The following PALLD variants were observed in gnomAD, a reference collection of about 807,000 sequenced individuals.
PALLD encodes the protein palladin, cytoskeletal associated protein.
Under a neutral mutation model 123.5 loss-of-function variants are expected in PALLD, and 61 were observed. The ratio of observed to expected loss-of-function variants is 0.49; its 90% confidence interval spans 0.40 to 0.61. PALLD has a LOEUF of 0.61. Ranked by LOEUF, PALLD falls within the 20% of genes least tolerant of loss-of-function variation. The pLI, the probability that PALLD is intolerant of heterozygous loss-of-function variation, is 0.00. For missense variants in PALLD, 1,273 were observed against 1,377.0 expected (o/e 0.92, Z 1.20); for synonymous variants, 465 against 496.4 (o/e 0.94, Z 0.84).
chr4:168,845,867 T>TA (rs1581736949), intron 10 of PALLD, among the ~76,000 whole-genome samples: 1 of 152,240 alleles, frequency 6.6e-6, no homozygotes, highest in African/African-American at 2.4e-5. Context: ...TCGTTTGTCT[T>TA]AAGCAGCACT....
intron 10 of PALLD, among the ~76,000 whole-genome samples, chr4:168,825,101 C>A (rs530320831): frequency 6.6e-6 from 1 of 152,306 alleles, no homozygotes; most frequent in East Asian, 1.9e-4. Flanking sequence ...TAGGCGTGAG[C>A]CACTGTGCCT....
At chr4:168,916,167 CT>C in intron 17 of PALLD, 140 bp downstream of exon 17, 2 of 850,654 alleles carry the variant, frequency 2.4e-6, no homozygotes, top group Non-Finnish European at 3.9e-6. Context: ...AATCCCAGCA[CT>C]TTAGAGTCCA....
chr4:168,740,848 C>T (rs1461502154), intron 10 of PALLD, among the ~76,000 whole-genome samples: 2 of 152,124 alleles, frequency 1.3e-5, no homozygotes, highest in East Asian at 1.9e-4. Context: ...GTGCAGGGTA[C>T]GATAGCAACT....
At chr4:168,600,571 C>G (rs1416988037) in intron 2 of PALLD, among the ~76,000 whole-genome samples, 1 of 151,974 alleles carries the variant, frequency 6.6e-6, no homozygotes, top group Non-Finnish European at 1.5e-5. Flanking sequence ...GTTTTTTATT[C>G]CTCTATTTTA....
intron 2 of PALLD, among the ~76,000 whole-genome samples, chr4:168,638,830 G>A (rs564497571): frequency 1.6e-3 from 241 of 152,088 alleles, no homozygotes; most frequent in African/African-American, 5.4e-3. Flanking sequence ...TGGGAGGGGG[G>A]GCGGGCCATA....
intron 13 of PALLD, chr4:168,897,848 G>A (rs1387573149): frequency 6.6e-6 from 1 of 151,398 alleles, no homozygotes; most frequent in East Asian, 1.9e-4. Context: ...CAAAATTTTG[G>A]CTAGACTGTC....
At position 168,882,642 on chromosome 4, in the gene PALLD, T is replaced by TTGGGGG. The variant is rs527720648; in HGVS notation, c.1965-8277_1965-8276insGGGTGG. ...CTTTTCATTCTCTGACCTGAAGGGG[T>TTGGGGG]TGGAGGTGTTATTACTGGGCTCATT... On this transcript the variant is annotated intron_variant, in intron 10 of 21. Transcript: ENST00000505667. 3.7e-4 allele frequency among the ~76,000 whole-genome samples: 56 copies of TTGGGGG among 152,128 alleles called. 1 individual carries two copies. The East Asian group carries it at 9.1e-3, about 25-fold the overall frequency.
intron 2 of PALLD, among the ~76,000 whole-genome samples, chr4:168,649,171 C>T (rs769693861): frequency 4.6e-5 from 7 of 152,186 alleles, no homozygotes; most frequent in South Asian, 2.1e-4. Flanking sequence ...ATTCTGCATG[C>T]GCTCATTTAT....
chr4:168,894,368 G>T, intron 11 of PALLD: 1 of 579,210 alleles, frequency 1.7e-6, no homozygotes, highest in East Asian at 3.0e-5. Context: ...ACCAATTGGT[G>T]GCTCTCTGGA....
chr4:168,511,395 A>G (rs1025861630), intron 1 of PALLD, 28 bp from the exon 2 acceptor site: 4 of 792,184 alleles, frequency 5.0e-6, no homozygotes, highest in Non-Finnish European at 8.6e-6. Context: ...AATCATTGCT[A>G]CTAATGACAT....
intron 10 of PALLD, among the ~76,000 whole-genome samples, chr4:168,733,107 A>G (rs548410074): frequency 2.6e-5 from 4 of 152,340 alleles, no homozygotes; most frequent in African/African-American, 9.6e-5. Flanking sequence ...TTTAATACAT[A>G]TATAATGTGT....
intron 10 of PALLD, among the ~76,000 whole-genome samples, chr4:168,785,236 T>C (rs1736543129): frequency 6.6e-6 from 1 of 152,128 alleles, no homozygotes; most frequent in African/African-American, 2.4e-5. Flanking sequence ...AGGGGAGCAC[T>C]GTGCGCTCTC....
intron 2 of PALLD, among the ~76,000 whole-genome samples, chr4:168,659,048 A>C (rs1412353495): frequency 6.6e-6 from 1 of 152,230 alleles, no homozygotes; most frequent in Non-Finnish European, 1.5e-5. Context: ...GGTTAATGTG[A>C]ACACATGTAA....
At chr4:168,541,441 CATTT>C (rs1765599703) in intron 2 of PALLD, among the ~76,000 whole-genome samples, 1 of 145,594 alleles carries the variant, frequency 6.9e-6, no homozygotes, top group Admixed American at 7.0e-5. Context: ...CACTCTCACT[CATTT>C]TATTTATTTA....
chr4:168,682,667 TTC>T (rs1781660322), intron 4 of PALLD, among the ~76,000 whole-genome samples: 1 of 152,190 alleles, frequency 6.6e-6, no homozygotes, highest in Admixed American at 6.5e-5. Context: ...TCCAAATATT[TTC>T]TCTTAGGATT....
At chr4:168,705,223 C>A (rs7656057) in intron 8 of PALLD, among the ~76,000 whole-genome samples, 26,852 of 152,044 alleles carry the variant, frequency 0.18, 2,994 homozygotes, top group East Asian at 0.33. Flanking sequence ...ATGATTTTCT[C>A]ATTCAAGTTT....
At chr4:168,821,696 T>C (rs555758130) in intron 10 of PALLD, among the ~76,000 whole-genome samples, 1 of 151,698 alleles carries the variant, frequency 6.6e-6, no homozygotes, top group East Asian at 1.9e-4. Context: ...GCCAAAATGG[T>C]GAAACCTCGT....
At chr4:168,855,629 T>C (rs960602975) in intron 10 of PALLD, among the ~76,000 whole-genome samples, 1 of 152,178 alleles carries the variant, frequency 6.6e-6, no homozygotes, top group Non-Finnish European at 1.5e-5. Context: ...ACGTGTTCCC[T>C]TTTCCCCAGG....
chr4:168,729,948 C>G (rs1786992348), intron 10 of PALLD, among the ~76,000 whole-genome samples: 1 of 152,172 alleles, frequency 6.6e-6, no homozygotes, highest in Admixed American at 6.5e-5. Flanking sequence ...GTTTCTAATC[C>G]TGTATATGAC....
Sources: gnomAD v4.1 joint callset for allele counts (sites outside exome capture counted in the v4.1 genomes callset) on GRCh38, gnomAD v4.1.1 for gene constraint, MANE v1.5 for transcripts, NCBI Gene and HGNC (gene_info 2026-07-23, HGNC 2026-07-21) for gene names.